ANO4: variants seen among roughly 807,000 people sequenced by gnomAD.
The protein encoded by ANO4 is anoctamin 4, also known as anoctamin-4.
A neutral mutation model predicts 141.9 loss-of-function variants in ANO4; 69 were observed. That is an observed-to-expected ratio of 0.49 (90% confidence interval 0.40 to 0.59). ANO4 has a LOEUF of 0.59. Among genes scored for constraint, ANO4 ranks in the 20% least tolerant of loss-of-function variants. The probability of loss-of-function intolerance (pLI) is 0.00; values close to 1 mark genes in which losing one functional copy is unlikely to be tolerated. For missense variants in ANO4, 894 were observed against 1,162.2 expected (o/e 0.77, Z 3.36); for synonymous variants, 350 against 394.3 (o/e 0.89, Z 1.33).
At chr12:101,081,004 CAT>C (rs968116677) in intron 15 of ANO4, among the ~76,000 whole-genome samples, 17 of 128,548 alleles carry the variant, frequency 1.3e-4, no homozygotes, top group Admixed American at 1.2e-3. Flanking sequence ...AAAAAATATA[CAT>C]ATATATATGT....
chr12:100,873,346 C>T (rs1304725470), intron 1 of ANO4, among the ~76,000 whole-genome samples: 1 of 152,106 alleles, frequency 6.6e-6, no homozygotes. Context: ...TTTGGAATTT[C>T]CTAGAAACTT....
rs554754109 is a variant in ANO4 at position 100,806,496 on chromosome 12, G to C, written c.-141+11469G>C. Reference sequence around the variant, plus strand: ...CTTTCAACTATTGAGTTTTGATTTTGATTTTTAGGAGGTTTTTTTTTTGTT... The same window carrying C: ...CTTTCAACTATTGAGTTTTGATTTTCATTTTTAGGAGGTTTTTTTTTTGTT... On this transcript the variant is annotated intron_variant, in intron 1 of 27. Transcript: ENST00000392977. 2.6e-3 allele frequency among the ~76,000 whole-genome samples: 231 copies of C among 89,816 alleles called. 1 individual carries two copies. Among genetic ancestry groups the C allele is most frequent in the African/African-American group, 7.7e-3 (209 of 27,016 alleles). 58.9% of individuals were successfully genotyped at this position (89,816 alleles called of 152,430 possible).
intron 1 of ANO4, among the ~76,000 whole-genome samples, chr12:100,820,438 T>C (rs2035987678): frequency 6.6e-6 from 1 of 151,740 alleles, no homozygotes; most frequent in African/African-American, 2.4e-5. Context: ...AGGGAATGAT[T>C]ACACAACATT....
rs568658429 is a variant in ANO4 at position 100,727,308 on chromosome 12, T to C, written c.23-6466T>C. ...TAGGTTTGTCTGTTATTCCCTGTAG[T>C]TCTGTTAATTTTTGCTTCATAGGTT... On this transcript the variant is annotated intron_variant, in intron 1 of 29. Coordinates refer to the ANO4 transcript ENST00000644049. 1.0e-3 allele frequency among the ~76,000 whole-genome samples: 152 copies of C among 152,326 alleles called. 1 individual carries two copies. The highest frequency in any genetic ancestry group is 3.5e-3 in the African/African-American group (145 of 41,568).
At chr12:100,891,609 A>G (rs960178820) in intron 1 of ANO4, among the ~76,000 whole-genome samples, 4 of 152,016 alleles carry the variant, frequency 2.6e-5, no homozygotes, top group African/African-American at 9.7e-5. Flanking sequence ...TTATTTTAAT[A>G]TTTTATTTAT....
At chr12:100,992,606 A>T (rs2045189745) in intron 8 of ANO4, among the ~76,000 whole-genome samples, 1 of 152,182 alleles carries the variant, frequency 6.6e-6, no homozygotes, top group African/African-American at 2.4e-5. Context: ...TGTTTCCTAG[A>T]TAACATTTTT....
chr12:101,105,402 T>G (rs1294131144), intron 22 of ANO4, among the ~76,000 whole-genome samples: 1 of 152,242 alleles, frequency 6.6e-6, no homozygotes, highest in Non-Finnish European at 1.5e-5. Flanking sequence ...TCAAGGCTAT[T>G]TTGTAGACAC....
chr12:101,028,979 C>G (rs2046854095), intron 9 of ANO4, among the ~76,000 whole-genome samples: 1 of 152,138 alleles, frequency 6.6e-6, no homozygotes, highest in South Asian at 2.1e-4. Context: ...TAACAATGCA[C>G]CTCTCAGCAG....
intron 2 of ANO4, among the ~76,000 whole-genome samples, chr12:100,739,658 C>T (rs561101973): frequency 2.6e-5 from 4 of 152,158 alleles, no homozygotes; most frequent in Non-Finnish European, 4.4e-5. Context: ...ACTTAGCATG[C>T]GCTTAATAAA....
chr12:101,009,233 A>G (rs2045984121), intron 8 of ANO4, among the ~76,000 whole-genome samples: 1 of 152,172 alleles, frequency 6.6e-6, no homozygotes, highest in South Asian at 2.1e-4. Context: ...AAATTAAAAC[A>G]CAGACATACA....
At chr12:100,921,203 TC>T (rs2041617270) in intron 2 of ANO4, among the ~76,000 whole-genome samples, 1 of 152,128 alleles carries the variant, frequency 6.6e-6, no homozygotes, top group African/African-American at 2.4e-5. Flanking sequence ...GCAGGCAAAG[TC>T]CCTGCCCTCC....
At chr12:100,768,590 T>C (rs1258100882) in intron 3 of ANO4, among the ~76,000 whole-genome samples, 1 of 152,214 alleles carries the variant, frequency 6.6e-6, no homozygotes, top group Non-Finnish European at 1.5e-5. Flanking sequence ...AAGAACTTTT[T>C]CTTATTTCTC....
At chr12:101,048,478 G>C (rs748863579) in intron 14 of ANO4, 77 bp downstream of exon 14, 75 of 1,325,140 alleles carry the variant, frequency 5.7e-5, no homozygotes, top group Non-Finnish European at 7.3e-5. Flanking sequence ...TTTCACTTTG[G>C]ATGTGAAAGA....
At chr12:100,977,128 T>C (rs372486224) in intron 7 of ANO4, among the ~76,000 whole-genome samples, 1 of 152,200 alleles carries the variant, frequency 6.6e-6, no homozygotes, top group South Asian at 2.1e-4. Context: ...GCACAAATAG[T>C]ATCTATTAAT....
At chr12:100,899,643 A>G (rs1477639437) in intron 1 of ANO4, among the ~76,000 whole-genome samples, 2 of 152,236 alleles carry the variant, frequency 1.3e-5, no homozygotes, top group African/African-American at 4.8e-5. Context: ...AAATTGGCCC[A>G]GGTCATATCC....
chr12:100,945,148 A>G (rs146341758), intron 5 of ANO4, among the ~76,000 whole-genome samples: 342 of 152,360 alleles, frequency 2.2e-3, no homozygotes, highest in African/African-American at 7.7e-3. Context: ...CATGATGTCT[A>G]ACAATTATGA....
At chr12:101,125,652 T>A in intron 26 of ANO4, among the ~76,000 whole-genome samples, 1 of 152,208 alleles carries the variant, frequency 6.6e-6, no homozygotes, top group African/African-American at 2.4e-5. Context: ...GTTTTTGTCT[T>A]TAGTTCTGCT....
intron 5 of ANO4, among the ~76,000 whole-genome samples, chr12:100,949,115 T>C (rs1370270657): frequency 1.3e-5 from 2 of 152,140 alleles, no homozygotes; most frequent in Non-Finnish European, 2.9e-5. Flanking sequence ...TAACTGAGAA[T>C]CCTGGAAGCA....
At chr12:101,063,340 C>G (rs1401041222) in intron 14 of ANO4, among the ~76,000 whole-genome samples, 1 of 152,216 alleles carries the variant, frequency 6.6e-6, no homozygotes, top group Non-Finnish European at 1.5e-5. Context: ...TGTTCTCAAT[C>G]CTGTTTCTTA....
Sources: allele counts gnomAD v4.1 joint callset (sites outside exome capture counted in the v4.1 genomes callset), GRCh38; gene constraint gnomAD v4.1.1; transcripts MANE v1.5; gene names NCBI Gene and HGNC (gene_info 2026-07-23, HGNC 2026-07-21).